The following KTN1 variants were observed in gnomAD, a reference collection of about 807,000 sequenced individuals.
KTN1 encodes the protein kinectin 1.
In KTN1, 130 loss-of-function variants were observed where a neutral mutation model predicts 222.5. The observed-to-expected ratio is 0.58, with a 90% confidence interval of 0.51 to 0.68. The LOEUF is 0.68. Among genes scored for constraint, KTN1 ranks in the 30% least tolerant of loss-of-function variants. The probability of loss-of-function intolerance (pLI) is 0.00; values close to 1 mark genes in which losing one functional copy is unlikely to be tolerated. For missense variants in KTN1, 1,508 were observed against 1,500.4 expected (o/e 1.01, Z -0.08); for synonymous variants, 512 against 496.3 (o/e 1.03, Z -0.42).
At chr14:55,655,928 A>G (rs533829771) in intron 28 of KTN1, 114 bp from the exon 29 acceptor site, 3 of 540,748 alleles carry the variant, frequency 5.5e-6, no homozygotes, top group African/African-American at 3.9e-5. Flanking sequence ...AATATGGGGG[A>G]AAAAAAGCTG....
At chr14:55,631,960 C>T (rs916724091) in intron 7 of KTN1, among the ~76,000 whole-genome samples, 4 of 151,864 alleles carry the variant, frequency 2.6e-5, no homozygotes, top group African/African-American at 7.3e-5. Context: ...TTGATAATAT[C>T]GCTAGTCTGC....
intron 43 of KTN1, chr14:55,680,085 T>C (rs1434663015): frequency 5.9e-6 from 1 of 169,912 alleles, no homozygotes; most frequent in Non-Finnish European, 1.2e-5. Flanking sequence ...GACCATAACA[T>C]TTTAACTGAG....
downstream of KTN1, chr14:55,684,580 C>T (rs1282456590): frequency 5.4e-6 from 1 of 183,904 alleles, no homozygotes; most frequent in East Asian, 8.9e-5. Context: ...ATTATTCAAA[C>T]TTGACTTGTT....
At chr14:55,630,424 T>G (rs565967737) in intron 7 of KTN1, among the ~76,000 whole-genome samples, 108 of 152,336 alleles carry the variant, frequency 7.1e-4, no homozygotes, top group Non-Finnish European at 7.8e-4. Flanking sequence ...TTAGGCATTA[T>G]CAAGTAAGAG....
intron 7 of KTN1, among the ~76,000 whole-genome samples, chr14:55,631,307 AAT>A (rs768322715): frequency 1.4e-4 from 20 of 140,576 alleles, no homozygotes; most frequent in Non-Finnish European, 2.6e-4. Context: ...CCTCAGATTT[AAT>A]ATATGTCTAA....
At chr14:55,682,133 T>G (rs918123549) in intron 43 of KTN1, 1 of 152,164 alleles carries the variant, frequency 6.6e-6, no homozygotes, top group Admixed American at 6.5e-5. Flanking sequence ...AGAAATAATA[T>G]GCATTGATGT....
chr14:55,670,856 A>C, intron 35 of KTN1, 47 bp downstream of exon 35: 2 of 1,285,250 alleles, frequency 1.6e-6, no homozygotes, highest in South Asian at 2.6e-5. Context: ...TAGAAAAAAG[A>C]AGCAAATAAG....
intron 8 of KTN1, among the ~76,000 whole-genome samples, 154 bp downstream of exon 8, chr14:55,633,495 T>C (rs1202471415): frequency 6.6e-6 from 1 of 151,948 alleles, no homozygotes. Flanking sequence ...TCTCTTTTGC[T>C]TTGTGAAGAA....
rs1314731247 is a variant in KTN1, at chr14:55,612,106, G to A, written c.58G>A (p.Val20Ile). 3.2e-6 allele frequency: 5 copies of A among 1,549,658 alleles called. No individual in the cohort carries two copies. The highest frequency in any genetic ancestry group is 1.4e-5 in the African/African-American group (1 of 71,524). Residue 20 changes from valine (V) to isoleucine (I), a missense_variant, in exon 2 of 44, where the codon GTA (valine) becomes ATA (isoleucine). Coordinates refer to ENST00000395314, the MANE Select transcript of KTN1 (RefSeq NM_001079521.2). ...TCTTATTCCTTCAATAGTTATTACA[G>A]TAATTTTCCTCTTCTTCTGGCTTTT... is the stretch of plus-strand genomic sequence containing the variant. ...IVLIPSIVIT[V>I]IFLFFWLFMK... is the part of the protein sequence containing the mutation.
At chr14:55,599,599 G>C (rs1018150041) in intron 1 of KTN1, among the ~76,000 whole-genome samples, 3 of 151,934 alleles carry the variant, frequency 2.0e-5, no homozygotes, top group Admixed American at 6.6e-5. Context: ...CTCAGCCTCC[G>C]GAGTAGCTGG....
At chr14:55,665,044 A>G (rs924500464) in intron 33 of KTN1, among the ~76,000 whole-genome samples, 3 of 150,736 alleles carry the variant, frequency 2.0e-5, no homozygotes, top group African/African-American at 4.9e-5. Context: ...CCTGTAGCTT[A>G]GTGGATTTGT....
intron 13 of KTN1, among the ~76,000 whole-genome samples, chr14:55,639,680 A>T (rs1240185490): frequency 6.6e-6 from 1 of 151,788 alleles, no homozygotes; most frequent in African/African-American, 2.4e-5. Context: ...TGGTTTTGAC[A>T]TAGCTAGCTT....
Position 55,652,906 on chromosome 14 carries a change from A to G in KTN1, c.2660A>G (p.Glu887Gly), listed in dbSNP as rs1474871081. 6.2e-7 allele frequency: 1 copy of G among 1,611,800 alleles called. No individual in the cohort carries two copies. Among genetic ancestry groups the G allele is most frequent in the Non-Finnish European group, 8.5e-7 (1 of 1,178,486 alleles). Residue 887 changes from glutamate to glycine, a missense_variant, in exon 26 of 44, where the codon GAG (glutamate) becomes GGG (glycine). Physicochemically the swap from Glu to Gly is moderately conservative, Grantham distance 98 (BLOSUM62 -2). Coordinates refer to ENST00000395314, the MANE Select transcript of KTN1 (RefSeq NM_001079521.2). ...NTMKAVLEEKEKDLANTGKWL... is the reference protein window; with the variant it reads ...NTMKAVLEEKGKDLANTGKWL... ...ATGAAGGCTGTTTTGGAAGAGAAAG[A>G]GAAAGACCTAGCCAATACAGGGAAG...
At chr14:55,608,912 G>A (rs1298124936) in intron 1 of KTN1, among the ~76,000 whole-genome samples, 1 of 152,074 alleles carries the variant, frequency 6.6e-6, no homozygotes, top group Non-Finnish European at 1.5e-5. Flanking sequence ...TTACAGGCAT[G>A]AGCCACCATG....
At chr14:55,658,653 CA>C (rs35428607) in intron 30 of KTN1, 39 bp downstream of exon 30, 14 of 1,259,456 alleles carry the variant, frequency 1.1e-5, no homozygotes, top group African/African-American at 1.5e-5. Flanking sequence ...ACTTACGTGG[CA>C]AAAAAATTAT....
intron 5 of KTN1, among the ~76,000 whole-genome samples, chr14:55,625,977 AG>A (rs2039766289): frequency 6.6e-6 from 1 of 152,166 alleles, no homozygotes; most frequent in South Asian, 2.1e-4. Flanking sequence ...ACACACATCA[AG>A]GGATTCAATT....
chr14:55,633,408 A>G (rs2040751173), intron 8 of KTN1, 67 bp downstream of exon 8: 2 of 923,628 alleles, frequency 2.2e-6, no homozygotes, highest in Non-Finnish European at 3.2e-6. Context: ...TCAAAATATT[A>G]ATAGCGTTTG....
chr14:55,630,741 A>G (rs1467370569), intron 7 of KTN1, among the ~76,000 whole-genome samples: 1 of 152,224 alleles, frequency 6.6e-6, no homozygotes, highest in Non-Finnish European at 1.5e-5. Context: ...GCAACGCAGC[A>G]GTCGCTGGAA....
intron 41 of KTN1, among the ~76,000 whole-genome samples, chr14:55,677,990 G>A (rs773719078): frequency 3.9e-5 from 6 of 152,300 alleles, no homozygotes; most frequent in Admixed American, 1.3e-4. Flanking sequence ...GAGCCACCGC[G>A]CCCAGCAACA....
Sources: allele counts gnomAD v4.1 joint callset (sites outside exome capture counted in the v4.1 genomes callset), GRCh38; gene constraint gnomAD v4.1.1; transcripts MANE v1.5; gene names NCBI Gene and HGNC (gene_info 2026-07-23, HGNC 2026-07-21).